The following OTUD7B variants were observed in gnomAD, a reference collection of about 807,000 sequenced individuals.
The protein encoded by OTUD7B is OTU deubiquitinase 7B, also known as OTU domain-containing protein 7B.
A neutral mutation model predicts 82.2 loss-of-function variants in OTUD7B; 34 were observed. The observed-to-expected ratio is 0.41, with a 90% CI of 0.31 to 0.55. The LOEUF (loss-of-function observed/expected upper bound fraction) is 0.55. Ranked by LOEUF, OTUD7B falls within the 20% of genes least tolerant of loss-of-function variation. The probability of loss-of-function intolerance (pLI) is 0.20; values close to 1 mark genes in which losing one functional copy is unlikely to be tolerated. For synonymous variants in OTUD7B, 398 were observed against 402.7 expected (o/e 0.99, Z 0.14); for missense variants, 944 against 1,062.1 (o/e 0.89, Z 1.55).
Position 149,964,340 on chromosome 1 carries a change from C to T in OTUD7B, c.614G>A (p.Gly205Asp). 1.2e-6 allele frequency: 2 copies of T among 1,612,742 alleles called. No homozygotes were observed. The highest frequency in any genetic ancestry group is 1.7e-5 in the Admixed American group (1 of 59,618). The change falls in exon 6 of 12, where the codon GGT (glycine) becomes GAT (aspartate). Residue 205 changes from glycine to aspartate, a missense_variant. Gly to Asp is a moderately conservative substitution (Grantham distance 94). This residue lies in a region of OTUD7B where 530 missense variants were observed against 625.6 expected (regional missense o/e 0.85). Coordinates refer to ENST00000581312, the MANE Select transcript of OTUD7B (RefSeq NM_020205.4). ...LLHAASLGMW[G>D]FHDRDLMLRK... Reference sequence around the variant, plus strand: ...CAGCATCAAGTCCCGATCATGGAAACCCCACATTCCTGTGGCAAAAAAGCA... The same window carrying T: ...CAGCATCAAGTCCCGATCATGGAAATCCCACATTCCTGTGGCAAAAAAGCA...
rs1647352407 is a variant in OTUD7B at position 149,942,908 on chromosome 1, C to G, written c.*949G>C. 6.6e-6 allele frequency: 1 copy of G among 152,510 alleles called. No individual in the cohort carries two copies. The highest frequency in any genetic ancestry group is 1.5e-5 in the Non-Finnish European group (1 of 68,020). 9.4% of individuals were successfully genotyped at this position (152,510 alleles called of 1,614,324 possible). On this transcript the variant is annotated 3_prime_UTR_variant, in exon 12 of 12. Transcript: ENST00000581312. Reference sequence around the variant, plus strand: ...GCAGCAGCCACAGAGGCCTGTAATGCTCTACTTAGGTTTTTGGTTTTGTTT... The same window carrying G: ...GCAGCAGCCACAGAGGCCTGTAATGGTCTACTTAGGTTTTTGGTTTTGTTT...
At chr1:150,016,901 A>G in the OTUD7B span, among the ~76,000 whole-genome samples, 2 of 152,136 alleles carry the variant, frequency 1.3e-5, no homozygotes, top group Non-Finnish European at 2.9e-5. Flanking sequence ...GCAAACCACC[A>G]TGTTACCACC....
chr1:149,961,844 A>C (rs1649184201), intron 6 of OTUD7B: 1 of 152,240 alleles, frequency 6.6e-6, no homozygotes, highest in Admixed American at 6.5e-5. Flanking sequence ...AAAGGAGAGC[A>C]GGCAATGGTA....
At chr1:149,997,068 G>A (rs1451687516) in intron 1 of OTUD7B, among the ~76,000 whole-genome samples, 4 of 152,154 alleles carry the variant, frequency 2.6e-5, no homozygotes, top group Non-Finnish European at 4.4e-5. Flanking sequence ...CAAAAAATCC[G>A]AGAATATTTA....
At chr1:150,005,589 G>T (rs1400414992) in intron 1 of OTUD7B, among the ~76,000 whole-genome samples, 1 of 150,652 alleles carries the variant, frequency 6.6e-6, no homozygotes, top group Non-Finnish European at 1.5e-5. Flanking sequence ...GTCAACTGGA[G>T]AAGAAAAAAA....
chr1:150,039,471 G>A, the OTUD7B span, among the ~76,000 whole-genome samples: 1 of 151,962 alleles, frequency 6.6e-6, no homozygotes, highest in Admixed American at 6.6e-5. Flanking sequence ...TCCGTCTCCC[G>A]GGTTCAAGCC....
In OTUD7B at chr1:149,942,316, G is replaced by A. The variant is rs782794407; in HGVS notation, c.*1541C>T. ...AATTGCATAGTTGACTTTTTTTCCC[G>A]GAAAAAAATATAAAGAAAAAGGAAA... On this transcript the variant is annotated 3_prime_UTR_variant, in exon 12 of 12. Transcript: ENST00000581312. 1.2e-4 allele frequency: 18 copies of A among 152,310 alleles called. No individual in the cohort carries two copies. The highest frequency in any genetic ancestry group is 3.6e-4 in the African/African-American group (15 of 41,316). 9.4% of individuals were successfully genotyped at this position (152,310 alleles called of 1,614,324 possible).
At chr1:150,043,506 G>A in the OTUD7B span, among the ~76,000 whole-genome samples, 1 of 152,232 alleles carries the variant, frequency 6.6e-6, no homozygotes, top group South Asian at 2.1e-4. Flanking sequence ...GTAAGGAAAA[G>A]ATTGCCAACA....
At position 149,964,251 on chromosome 1, in the gene OTUD7B, T is replaced by C; in HGVS notation, c.703A>G (p.Arg235Gly). 1.2e-6 allele frequency: 2 copies of C among 1,613,750 alleles called. No individual in the cohort carries two copies. Among genetic ancestry groups the C allele is most frequent in the Non-Finnish European group, 1.7e-6 (2 of 1,180,020 alleles). ...TTATTCTGCTGTGTCTGCTGCCACC[T>C]CCAGCGCCTTTTCAACGCTTCCTTC... ...VEKEALKRRW[R>G]WQQTQQNKES... Residue 235 changes from arginine (R) to glycine (G), a missense_variant, in exon 6 of 12, where the codon AGG becomes GGG. Arg to Gly is a moderately radical substitution (Grantham distance 125). Transcript: ENST00000581312.
chr1:149,960,413 T>TTTTTTAG (rs1366020859), intron 6 of OTUD7B, among the ~76,000 whole-genome samples: 5 of 72,564 alleles, frequency 6.9e-5, no homozygotes, highest in Non-Finnish European at 9.8e-5. Context: ...TTTTTTTTTG[T>TTTTTTAG]AGACAGAGTC....
At chr1:150,052,389 C>A in the OTUD7B span, among the ~76,000 whole-genome samples, 13 of 152,018 alleles carry the variant, frequency 8.6e-5, no homozygotes, top group Admixed American at 3.3e-4. Flanking sequence ...AAGCTGAGAG[C>A]CAAATCAGAA....
chr1:149,943,811 G>C lies in OTUD7B; in HGVS notation c.*46C>G. 6.4e-7 allele frequency: 1 copy of C among 1,568,412 alleles called. No homozygotes were observed. The highest frequency in any genetic ancestry group is 8.7e-7 in the Non-Finnish European group (1 of 1,144,320). On this transcript the variant is annotated 3_prime_UTR_variant, in exon 12 of 12. Coordinates refer to ENST00000581312, the MANE Select transcript of OTUD7B (RefSeq NM_020205.4). Reference sequence around the variant, plus strand: ...TGTGTTCTTGATGAGCCAATTAGTTGAGCTTAACTTTGTTTAGCCTCCTTG... The same window carrying C: ...TGTGTTCTTGATGAGCCAATTAGTTCAGCTTAACTTTGTTTAGCCTCCTTG...
intron 6 of OTUD7B, among the ~76,000 whole-genome samples, chr1:149,960,534 C>T (rs1285890808): frequency 3.3e-5 from 5 of 151,394 alleles, no homozygotes; most frequent in Non-Finnish European, 7.4e-5. Flanking sequence ...ACAGCACCCA[C>T]CACCAGGCCC....
chr1:149,948,529 G>A (rs1286926046), intron 10 of OTUD7B, among the ~76,000 whole-genome samples: 16 of 151,544 alleles, frequency 1.1e-4, no homozygotes, highest in African/African-American at 3.9e-4. Flanking sequence ...GCACCACCAC[G>A]CCTGGCTAAT....
chr1:149,983,842 T>C (rs587669335), intron 1 of OTUD7B, among the ~76,000 whole-genome samples: 2 of 152,288 alleles, frequency 1.3e-5, no homozygotes, highest in Non-Finnish European at 2.9e-5. Context: ...GAGAATTGAT[T>C]AGAAAATTCT....
chr1:150,016,446 C>A, the OTUD7B span, among the ~76,000 whole-genome samples: 1 of 130,062 alleles, frequency 7.7e-6, no homozygotes. Flanking sequence ...TTTCTCTTTT[C>A]TTTTTCTTTT....
Position 149,941,940 on chromosome 1 carries a change from T to C in OTUD7B, c.*1917A>G, listed in dbSNP as rs587775600. On this transcript the variant is annotated 3_prime_UTR_variant, in exon 12 of 12. Transcript: ENST00000581312. ...CTGCTTCCTTAACACAAATCTATTTTCAAAGAAAACCCTAAGAATTAATAG... is the reference window on the plus strand; with the variant it reads ...CTGCTTCCTTAACACAAATCTATTTCCAAAGAAAACCCTAAGAATTAATAG... 1 of 152,274 alleles carries C rather than the reference T, an allele frequency of 6.6e-6. No individual in the cohort carries two copies. Among genetic ancestry groups the C allele is most frequent in the South Asian group, 2.1e-4 (1 of 4,826 alleles). 9.4% of individuals were successfully genotyped at this position (152,274 alleles called of 1,614,324 possible).
At chr1:149,973,775 C>G (rs782503790) in intron 2 of OTUD7B, among the ~76,000 whole-genome samples, 1 of 151,902 alleles carries the variant, frequency 6.6e-6, no homozygotes, top group Middle Eastern at 3.4e-3. Flanking sequence ...TGTGAGCCAC[C>G]GCACCTGGCC....
intron 3 of OTUD7B, among the ~76,000 whole-genome samples, chr1:149,967,824 T>A (rs1186971853): frequency 6.6e-6 from 1 of 152,110 alleles, no homozygotes; most frequent in Non-Finnish European, 1.5e-5. Flanking sequence ...CCCAGTGTGA[T>A]AGGGACCCAT....
Sources: allele counts gnomAD v4.1 joint callset (sites outside exome capture counted in the v4.1 genomes callset), GRCh38; gene constraint gnomAD v4.1.1; regional missense constraint gnomAD v4.1.1; transcripts MANE v1.5; gene names NCBI Gene and HGNC (gene_info 2026-07-23, HGNC 2026-07-21).